Variants in CFAP20DC observed in about 807,000 individuals in gnomAD.
CFAP20DC encodes CFAP20 domain containing, also known as protein CFAP20DC.
In CFAP20DC, 84 loss-of-function variants were observed where a neutral mutation model predicts 101.7. That is an observed-to-expected ratio of 0.83 (90% CI 0.69 to 0.99). The LOEUF (loss-of-function observed/expected upper bound fraction) is 0.99, where lower values mean the gene tolerates loss of function less well. Ranked by LOEUF, CFAP20DC falls within the 50% of genes least tolerant of loss-of-function variation. The pLI is 0.00. For synonymous variants in CFAP20DC, 359 were observed against 351.2 expected (o/e 1.02, Z -0.25); for missense variants, 1,007 against 970.3 (o/e 1.04, Z -0.50).
intron 14 of CFAP20DC, among the ~76,000 whole-genome samples, chr3:58,817,880 C>A (rs952192752): frequency 2.1e-4 from 31 of 150,730 alleles, no homozygotes; most frequent in African/African-American, 5.8e-4. Flanking sequence ...ATGTTAAGGG[C>A]AGCCAGAGAG....
intron 3 of CFAP20DC, among the ~76,000 whole-genome samples, chr3:59,042,237 AC>A (rs1013012071): frequency 1.3e-5 from 2 of 152,004 alleles, no homozygotes; most frequent in African/African-American, 4.8e-5. Flanking sequence ...GATTGGATAA[AC>A]CTAAAAAGGG....
intron 4 of CFAP20DC, among the ~76,000 whole-genome samples, chr3:58,965,563 T>A (rs908472979): frequency 6.6e-6 from 1 of 152,178 alleles, no homozygotes; most frequent in Non-Finnish European, 1.5e-5. Context: ...AATTTACTTA[T>A]CCTGTCTGAG....
Position 59,029,183 on chromosome 3 carries a change from G to A in CFAP20DC, c.278+10374C>T, listed in dbSNP as rs145991901. On this transcript the variant is annotated intron_variant, in intron 4 of 16. Transcript: ENST00000482387. ...CACCCATCCTTCCGCCCGTATGTCCGTATTTCAGAGCCTATTACGTGTCAT... is the reference window on the plus strand; with the variant it reads ...CACCCATCCTTCCGCCCGTATGTCCATATTTCAGAGCCTATTACGTGTCAT... Among the ~76,000 whole-genome samples, 82 of 152,178 alleles carry A rather than the reference G, an allele frequency of 5.4e-4. 1 individual carries two copies. Among genetic ancestry groups the A allele is most frequent in the African/African-American group, 1.7e-3 (72 of 41,518 alleles).
At chr3:59,049,504 G>T (rs1291670660) in intron 1 of CFAP20DC, 107 bp downstream of exon 1, 11 of 1,069,900 alleles carry the variant, frequency 1.0e-5, no homozygotes, top group Non-Finnish European at 1.5e-5. Context: ...CCCTGAAAAA[G>T]ACCTTATTAT....
rs142231952 is a variant in CFAP20DC, at chr3:58,788,227, G to A, written c.2237+18168C>T. 2.0e-5 allele frequency among the ~76,000 whole-genome samples: 3 copies of A among 152,144 alleles called. No homozygotes were observed. The highest frequency in any genetic ancestry group is 4.4e-5 in the Non-Finnish European group (3 of 67,986). ...AACTCACTGCATACAGACAGATTCT[G>A]AGCACGCAGTGAGAAAGGGAACCAC... is the stretch of plus-strand genomic sequence containing the variant. On this transcript the variant is annotated intron_variant, in intron 15 of 16. Transcript: ENST00000482387. The surrounding 1 kb of genome is among the most constrained non-coding windows in gnomAD (Gnocchi z 4.2).
chr3:58,931,548 C>T (rs889642339), intron 5 of CFAP20DC, among the ~76,000 whole-genome samples: 17 of 152,164 alleles, frequency 1.1e-4, no homozygotes, highest in African/African-American at 3.9e-4. Context: ...TGACACTTCA[C>T]ACGGGCGGGT....
intron 13 of CFAP20DC, among the ~76,000 whole-genome samples, chr3:58,842,395 A>G (rs940211865): frequency 2.6e-5 from 4 of 152,160 alleles, no homozygotes; most frequent in Non-Finnish European, 5.9e-5. Context: ...AGTCAAAGAA[A>G]GGGGTGACAG....
intron 15 of CFAP20DC, among the ~76,000 whole-genome samples, chr3:58,798,221 G>A (rs1315626124): frequency 2.0e-5 from 3 of 152,084 alleles, no homozygotes; most frequent in African/African-American, 7.3e-5. Flanking sequence ...AAAACTTTCT[G>A]GAAAGAATTC....
At chr3:58,819,375 C>CA (rs1450770868) in intron 14 of CFAP20DC, among the ~76,000 whole-genome samples, 3 of 151,906 alleles carry the variant, frequency 2.0e-5, no homozygotes, top group Non-Finnish European at 4.4e-5. Context: ...AAAGGATCAA[C>CA]AAAATTGATA....
chr3:58,816,521 A>C (rs1195375791), intron 14 of CFAP20DC, among the ~76,000 whole-genome samples: 1 of 152,164 alleles, frequency 6.6e-6, no homozygotes. Flanking sequence ...AGTCAAAGAA[A>C]GGGGTGACGG....
chr3:58,826,278 C>A (rs377683869), intron 14 of CFAP20DC, among the ~76,000 whole-genome samples: 40 of 152,008 alleles, frequency 2.6e-4, no homozygotes, highest in African/African-American at 9.2e-4. Flanking sequence ...GGAATCTTGA[C>A]GAAAATTATT....
chr3:58,830,779 A>G (rs2076345148), intron 14 of CFAP20DC, among the ~76,000 whole-genome samples: 1 of 152,210 alleles, frequency 6.6e-6, no homozygotes, highest in African/African-American at 2.4e-5. Flanking sequence ...GTAGCCTTAT[A>G]AGTAAATGTT....
At position 58,913,247 on chromosome 3, in the gene CFAP20DC, AC is replaced by A. The variant is rs1397706674; in HGVS notation, c.550+460del. 6.6e-6 allele frequency among the ~76,000 whole-genome samples: 1 copy of A among 152,154 alleles called. No homozygotes were observed. Among genetic ancestry groups the A allele is most frequent in the East Asian group, 1.9e-4 (1 of 5,194 alleles). ...GAGTCTCTGTATAGTTGCAGTAGCT[AC>A]TGGCAGTGGGTGGAGGTGGCAAATG... On this transcript the variant is annotated intron_variant, in intron 6 of 16. Coordinates refer to ENST00000482387, the MANE Select transcript of CFAP20DC (RefSeq NM_001394063.1). The surrounding 1 kb of genome is among the most constrained non-coding windows in gnomAD (Gnocchi z 4.4).
chr3:58,808,081 T>C (rs569565941), intron 14 of CFAP20DC, among the ~76,000 whole-genome samples: 5 of 152,146 alleles, frequency 3.3e-5, no homozygotes, highest in African/African-American at 9.7e-5. Context: ...ACCAAATCTA[T>C]GTATGATTGG....
intron 7 of CFAP20DC, among the ~76,000 whole-genome samples, chr3:58,881,360 C>T (rs1377740083): frequency 6.6e-6 from 1 of 152,036 alleles, no homozygotes; most frequent in Non-Finnish European, 1.5e-5. Context: ...ACTTCAATAA[C>T]CAGATCTGAT....
Position 58,968,327 on chromosome 3 carries a change from A to G in CFAP20DC, c.279-30565T>C, listed in dbSNP as rs531498112. ...GGTTGAACTAATTTACATTCCCATC[A>G]ACAGTGTATAAGTGTTCCCTTTTCT... On this transcript the variant is annotated intron_variant, in intron 4 of 16. Coordinates refer to ENST00000482387, the MANE Select transcript of CFAP20DC (RefSeq NM_001394063.1). Among the ~76,000 whole-genome samples, 5 of 152,322 alleles carry G rather than the reference A, an allele frequency of 3.3e-5. No individual in the cohort carries two copies. The East Asian group carries it at 9.6e-4, about 29-fold the overall frequency.
In CFAP20DC at chr3:58,819,093, C is replaced by T. The variant is rs1337243119; in HGVS notation, c.2175+12593G>A. 7.5e-3 allele frequency among the ~76,000 whole-genome samples: 1,110 copies of T among 147,808 alleles called. 6 individuals are homozygous for T. Among genetic ancestry groups the T allele is most frequent in the Non-Finnish European group, 0.011 (739 of 67,178 alleles). Reference sequence around the variant, plus strand: ...AAATAAAGATGTTCTTTGAAACCAACGAGAACAAAGACACAACATACCAGA... The same window carrying T: ...AAATAAAGATGTTCTTTGAAACCAATGAGAACAAAGACACAACATACCAGA... On this transcript the variant is annotated intron_variant, in intron 14 of 16. Coordinates refer to ENST00000482387, the MANE Select transcript of CFAP20DC (RefSeq NM_001394063.1).
At chr3:58,944,914 A>G (rs2089142011) in intron 4 of CFAP20DC, among the ~76,000 whole-genome samples, 1 of 152,226 alleles carries the variant, frequency 6.6e-6, no homozygotes, top group Admixed American at 6.5e-5. Context: ...TCTATCAAGT[A>G]TCAGAAGGAT....
At chr3:58,718,109 T>C (rs1559522020) in intron 3 of CFAP20DC, among the ~76,000 whole-genome samples, 2 of 152,190 alleles carry the variant, frequency 1.3e-5, no homozygotes, top group Non-Finnish European at 1.5e-5. Flanking sequence ...GGTCACATCA[T>C]GTTGAACAAA....
Sources: allele counts gnomAD v4.1 joint callset (sites outside exome capture counted in the v4.1 genomes callset), GRCh38; gene constraint gnomAD v4.1.1; non-coding constraint Gnocchi (gnomAD v3.1); transcripts MANE v1.5; gene names NCBI Gene and HGNC (gene_info 2026-07-23, HGNC 2026-07-21).